SEMA3A: variants seen among roughly 807,000 people sequenced by gnomAD.
SEMA3A encodes the protein semaphorin-3A.
Under a neutral mutation model 97.9 loss-of-function variants are expected in SEMA3A, and 29 were observed. The observed-to-expected ratio is 0.30, with a 90% CI of 0.22 to 0.40. The LOEUF (loss-of-function observed/expected upper bound fraction) is 0.40, where lower values mean the gene tolerates loss of function less well. Among genes scored for constraint, SEMA3A ranks in the 10% least tolerant of loss-of-function variants. The pLI is 1.00. For missense variants in SEMA3A, 763 were observed against 951.3 expected (o/e 0.80, Z 2.60); for synonymous variants, 321 against 323.7 (o/e 0.99, Z 0.09).
chr7:84,240,776 C>A (rs1231456170), intron 3 of SEMA3A, among the ~76,000 whole-genome samples: 2 of 152,148 alleles, frequency 1.3e-5, no homozygotes, highest in African/African-American at 2.4e-5. Context: ...GCCTGACAGG[C>A]CCCTGTGTGT....
intron 3 of SEMA3A, among the ~76,000 whole-genome samples, chr7:84,298,771 G>T (rs534958256): frequency 6.6e-6 from 1 of 152,168 alleles, no homozygotes; most frequent in African/African-American, 2.4e-5. Flanking sequence ...TTGTTCCTGG[G>T]TGTTTCTGTG....
chr7:84,003,861 C>CT (rs201139726), intron 11 of SEMA3A, among the ~76,000 whole-genome samples: 9 of 151,816 alleles, frequency 5.9e-5, no homozygotes, highest in Non-Finnish European at 1.2e-4. Flanking sequence ...AATTCATTGC[C>CT]TTTATGAAAC....
chr7:84,463,766 G>C (rs932452408), intron 1 of SEMA3A, among the ~76,000 whole-genome samples: 1 of 151,848 alleles, frequency 6.6e-6, no homozygotes, highest in Non-Finnish European at 1.5e-5. Context: ...CTATCCTGCC[G>C]TTCCTCCTTC....
chr7:84,443,000 A>G (rs78599611), intron 1 of SEMA3A, among the ~76,000 whole-genome samples: 6,025 of 152,230 alleles, frequency 0.04, 345 homozygotes, highest in East Asian at 0.19. Flanking sequence ...GAAGGGAAAA[A>G]TAGACAATTA....
chr7:84,108,910 G>GAA (rs796700320), intron 4 of SEMA3A, among the ~76,000 whole-genome samples: 58,757 of 121,652 alleles, frequency 0.48, 15,161 homozygotes, highest in East Asian at 0.69. Context: ...ATACTCACAA[G>GAA]AAAAAAAAAA....
chr7:83,977,093 C>A, intron 15 of SEMA3A, 39 bp downstream of exon 15: 1 of 1,275,812 alleles, frequency 7.8e-7, no homozygotes, highest in Non-Finnish European at 1.1e-6. Context: ...TGATTTTAGC[C>A]TGGTCTTAGC....
chr7:84,404,783 C>G (rs1034977343), intron 1 of SEMA3A, among the ~76,000 whole-genome samples: 4 of 152,102 alleles, frequency 2.6e-5, no homozygotes. Context: ...AATTTCATAT[C>G]CAGCCAAACT....
chr7:84,492,593 C>G (rs891370510), exon 1 of SEMA3A: 1 of 152,118 alleles, frequency 6.6e-6, no homozygotes, highest in Non-Finnish European at 1.5e-5. Flanking sequence ...GTACCAGGAG[C>G]AGCCCATCAC....
intron 1 of SEMA3A, among the ~76,000 whole-genome samples, chr7:84,483,477 A>AT (rs1465406009): frequency 2.6e-5 from 4 of 152,194 alleles, no homozygotes; most frequent in South Asian, 2.1e-4. Context: ...AAAAGATATC[A>AT]TTTTTTATAG....
In SEMA3A at chr7:83,961,555, T is replaced by C. The variant is rs1788471766; in HGVS notation, c.2132A>G (p.Asn711Ser). The change falls in exon 17 of 17, where the codon AAC becomes AGC. Residue 711 changes from asparagine to serine, a missense_variant. Transcript: ENST00000265362. The part of the protein sequence containing the change: ...VWYRDFMQLI[N>S]HPNLNTMDEF... ...ATCCATTGTGTTGAGATTGGGGTGG[T>C]TGATGAGCTGCATGAAGTCTCTGTA... 1.9e-6 allele frequency: 3 copies of C among 1,614,138 alleles called. No homozygotes were observed. Among genetic ancestry groups the C allele is most frequent in the South Asian group, 1.1e-5 (1 of 91,088 alleles).
At chr7:84,444,879 C>A (rs955745525) in intron 1 of SEMA3A, among the ~76,000 whole-genome samples, 2 of 152,034 alleles carry the variant, frequency 1.3e-5, no homozygotes, top group African/African-American at 4.8e-5. Context: ...CTGCTCATTT[C>A]CTGGGGCATT....
chr7:84,391,002 T>C (rs977578010), intron 1 of SEMA3A, among the ~76,000 whole-genome samples: 1 of 152,152 alleles, frequency 6.6e-6, no homozygotes, highest in Non-Finnish European at 1.5e-5. Flanking sequence ...TCTCTGCCTG[T>C]AGCTTGCAAT....
chr7:83,977,336 C>T (rs1337136142), intron 14 of SEMA3A, 140 bp from the exon 15 acceptor site: 3 of 398,616 alleles, frequency 7.5e-6, no homozygotes, highest in African/African-American at 6.2e-5. Flanking sequence ...GAATCTACAT[C>T]CAACTAAAAG....
intron 2 of SEMA3A, among the ~76,000 whole-genome samples, chr7:84,318,740 T>A (rs925504902): frequency 4.6e-5 from 7 of 152,184 alleles, no homozygotes; most frequent in Non-Finnish European, 8.8e-5. Flanking sequence ...GCCACTCTTA[T>A]CTTGTGACTT....
At chr7:83,998,405 G>T (rs930704500) in intron 12 of SEMA3A, among the ~76,000 whole-genome samples, 38 of 152,232 alleles carry the variant, frequency 2.5e-4, no homozygotes, top group African/African-American at 8.7e-4. Context: ...TGGTAGAAAA[G>T]ATTTTTAAAT....
chr7:84,226,960 C>T (rs751124960), intron 3 of SEMA3A, among the ~76,000 whole-genome samples: 3 of 151,826 alleles, frequency 2.0e-5, no homozygotes, highest in East Asian at 1.9e-4. Flanking sequence ...CATTATTTAA[C>T]GCTTGAGGAT....
intron 3 of SEMA3A, among the ~76,000 whole-genome samples, chr7:84,296,746 A>C (rs1441500196): frequency 6.6e-6 from 1 of 152,126 alleles, no homozygotes; most frequent in East Asian, 1.9e-4. Context: ...TATCCAAGGG[A>C]AATTTCACAT....
At chr7:84,463,729 A>C (rs1805922280) in intron 1 of SEMA3A, among the ~76,000 whole-genome samples, 1 of 152,106 alleles carries the variant, frequency 6.6e-6, no homozygotes, top group East Asian at 1.9e-4. Flanking sequence ...ACTTCTGAGA[A>C]TCAACTAAAA....
chr7:83,985,220 T>C (rs1205484768), intron 13 of SEMA3A, among the ~76,000 whole-genome samples: 2 of 152,114 alleles, frequency 1.3e-5, no homozygotes, highest in Admixed American at 1.3e-4. Flanking sequence ...AAATAATGTT[T>C]ATAGAACACA....
Sources: allele counts gnomAD v4.1 joint callset (sites outside exome capture counted in the v4.1 genomes callset), GRCh38; gene constraint gnomAD v4.1.1; transcripts MANE v1.5; gene names NCBI Gene and HGNC (gene_info 2026-07-23, HGNC 2026-07-21).